The following RLF variants were observed in gnomAD, a reference collection of about 807,000 sequenced individuals.
RLF encodes the protein RLF zinc finger.
Under a neutral mutation model 162.9 loss-of-function variants are expected in RLF, and 7 were observed. The observed-to-expected ratio is 0.04, with a 90% CI of 0.02 to 0.08. The LOEUF is 0.08. RLF is among the 10% of genes least tolerant of loss of function. RLF has a pLI of 1.00. For missense variants in RLF, 1,664 were observed against 2,244.7 expected (o/e 0.74, Z 5.23); for synonymous variants, 782 against 791.5 (o/e 0.99, Z 0.20).
chr1:40,164,776 T>G (rs1424251206), intron 1 of RLF, among the ~76,000 whole-genome samples: 1 of 152,200 alleles, frequency 6.6e-6, no homozygotes, highest in African/African-American at 2.4e-5. Flanking sequence ...ATTGAGTGAT[T>G]ATGTGATTAC....
intron 4 of RLF, among the ~76,000 whole-genome samples, chr1:40,196,090 T>C (rs1001783147): frequency 1.3e-5 from 2 of 151,986 alleles, no homozygotes; most frequent in Non-Finnish European, 2.9e-5. Context: ...TTTTTTTTTT[T>C]CCCGAGACGT....
chr1:40,205,227 A>AAGAATTGCTTGAGCCCG (rs1553174480), intron 5 of RLF, among the ~76,000 whole-genome samples: 1 of 152,120 alleles, frequency 6.6e-6, no homozygotes, highest in Non-Finnish European at 1.5e-5. Flanking sequence ...GCCGAGGCAC[A>AAGAATTGCTTGAGCCCG]AGAATTGCTT....
Position 40,178,633 on chromosome 1 carries a change from T to G in RLF, c.238-10422T>G, listed in dbSNP as rs1466102067. ...CTGTCTTTGGTGTTTTTTTTTTTTGTTTTTTTTTTTTTTTTGGAGAGATGG... is the reference window on the plus strand; with the variant it reads ...CTGTCTTTGGTGTTTTTTTTTTTTGGTTTTTTTTTTTTTTTGGAGAGATGG... On this transcript the variant is annotated intron_variant, in intron 1 of 7. Coordinates refer to ENST00000372771, the MANE Select transcript of RLF (RefSeq NM_012421.4). Among the ~76,000 whole-genome samples the G allele has an allele frequency of 4.1e-5, 4 of 98,038 alleles. No homozygotes were observed. The East Asian group carries it at 6.7e-4, about 17-fold the overall frequency. The allele number at this position is 98,038 out of a possible 152,430, so 64.3% of individuals were successfully genotyped here.
At position 40,238,730 on chromosome 1, in the gene RLF, G is replaced by GT. The variant is rs1363082629; in HGVS notation, c.4031dup (p.Leu1344PhefsTer16). The GT allele has an allele frequency of 6.2e-7, 1 of 1,613,832 alleles. No individual in the cohort carries two copies. The highest frequency in any genetic ancestry group is 1.3e-5 in the African/African-American group (1 of 75,036). ...CATCAGTACAACAAAGAACAGTTAT[G>GT]TTTGGAGAAAGACAAAGCAAGAACC... is the stretch of plus-strand genomic sequence containing the variant. On this transcript the variant is annotated frameshift_variant, in exon 8 of 8. Coordinates refer to ENST00000372771, the MANE Select transcript of RLF (RefSeq NM_012421.4). LOFTEE classifies it high-confidence loss of function. This position sits in a 1 kb window ranked among gnomAD's most constrained non-coding sequence, Gnocchi z 5.2.
rs1022162541 is a variant in RLF, at chr1:40,184,041, G to A, written c.238-5014G>A. ...CAAGGAATAGTCAGAATGCTGCCAA[G>A]CTCCTTGAAACCATGTAGTGAGAAA... On this transcript the variant is annotated intron_variant, in intron 1 of 7. Transcript: ENST00000372771. Among the ~76,000 whole-genome samples, 9 of 152,284 alleles carry A rather than the reference G, an allele frequency of 5.9e-5. 1 individual carries two copies. The East Asian group carries it at 1.7e-3, about 29-fold the overall frequency.
chr1:40,228,696 G>A (rs1643112886), intron 6 of RLF, among the ~76,000 whole-genome samples: 1 of 150,886 alleles, frequency 6.6e-6, no homozygotes, highest in South Asian at 2.1e-4. Context: ...ATCGAAGCTC[G>A]CTGCAGCCTT....
chr1:40,181,690 C>T (rs1011925058), intron 1 of RLF, among the ~76,000 whole-genome samples: 3 of 152,170 alleles, frequency 2.0e-5, no homozygotes, highest in African/African-American at 7.2e-5. Context: ...AGTATTTCTT[C>T]TATTAAGCTG....
intron 1 of RLF, among the ~76,000 whole-genome samples, chr1:40,188,407 G>A (rs1057125835): frequency 2.0e-5 from 3 of 152,194 alleles, no homozygotes; most frequent in Admixed American, 1.3e-4. Flanking sequence ...GGTACCCTGT[G>A]TGGTAAGAGG....
chr1:40,166,403 G>T (rs556574455), intron 1 of RLF, among the ~76,000 whole-genome samples: 1 of 151,992 alleles, frequency 6.6e-6, no homozygotes, highest in Non-Finnish European at 1.5e-5. Flanking sequence ...TGGTGGGACC[G>T]TAAACTAGTT....
Position 40,238,918 on chromosome 1 carries a change from A to G in RLF, c.4216A>G (p.Arg1406Gly), listed in dbSNP as rs761049700. 9 of 1,614,112 alleles carry G rather than the reference A, an allele frequency of 5.6e-6. No individual in the cohort carries two copies. The highest frequency in any genetic ancestry group is 6.8e-6 in the Non-Finnish European group (8 of 1,180,032). ...KVLSEAGSAA[R>G]FSCNQPQCPA... is the part of the protein sequence containing the mutation. ...ACTTTCCGAAGCTGGATCTGCAGCA[A>G]GGTTTTCTTGTAACCAGCCTCAGTG... Residue 1406 changes from arginine to glycine, a missense_variant, in exon 8 of 8, where the codon AGG becomes GGG. Transcript: ENST00000372771. This position sits in a 1 kb window ranked among gnomAD's most constrained non-coding sequence, Gnocchi z 5.2.
chr1:40,231,471 A>C (rs1296478518), intron 6 of RLF, 46 bp from the exon 7 acceptor site: 6 of 1,582,206 alleles, frequency 3.8e-6, no homozygotes, highest in Non-Finnish European at 5.2e-6. Context: ...AGGGCAGCAA[A>C]TACCAGTTAC....
intron 7 of RLF, among the ~76,000 whole-genome samples, chr1:40,234,476 C>T (rs997304064): frequency 6.6e-6 from 1 of 152,152 alleles, no homozygotes; most frequent in South Asian, 2.1e-4. Flanking sequence ...GAATTAAATG[C>T]CTGGCAAATT....
At chr1:40,234,009 C>T (rs1643186493) in intron 7 of RLF, among the ~76,000 whole-genome samples, 1 of 152,180 alleles carries the variant, frequency 6.6e-6, no homozygotes, top group East Asian at 1.9e-4. Context: ...CATGCAGTGG[C>T]GTGATCTCAG....
At chr1:40,190,222 CT>C in intron 2 of RLF, among the ~76,000 whole-genome samples, 1 of 151,868 alleles carries the variant, frequency 6.6e-6, no homozygotes, top group Non-Finnish European at 1.5e-5. Flanking sequence ...TAGTGCATTT[CT>C]TTTTTCAAAA....
Position 40,239,221 on chromosome 1 carries a change from A to G in RLF, c.4519A>G (p.Thr1507Ala), listed in dbSNP as rs1318669593. The change falls in exon 8 of 8, where the codon ACC becomes GCC. Residue 1507 changes from threonine (T) to alanine (A), a missense_variant. This residue lies in a region of RLF where 200 missense variants were observed against 207.3 expected (regional missense o/e 0.96). Transcript: ENST00000372771. ...ADTQGHEHQT[T>A]RRSFNAKSKK... ...TACTCAGGGGCATGAACATCAGACC[A>G]CCAGGAGATCATTTAATGCTAAGTC... 1.2e-6 allele frequency: 2 copies of G among 1,614,206 alleles called. No individual in the cohort carries two copies.
chr1:40,178,375 T>C (rs934933874), intron 1 of RLF, among the ~76,000 whole-genome samples: 2 of 151,976 alleles, frequency 1.3e-5, no homozygotes, highest in Non-Finnish European at 2.9e-5. Context: ...GGAAATAGAA[T>C]AGTGGTTGCC....
chr1:40,183,965 T>C (rs1642439442), intron 1 of RLF, among the ~76,000 whole-genome samples: 1 of 152,236 alleles, frequency 6.6e-6, no homozygotes, highest in African/African-American at 2.4e-5. Context: ...ATGTATTCTT[T>C]AAACATTAAA....
Position 40,238,135 on chromosome 1 carries a change from T to C in RLF, c.3433T>C (p.Leu1145=). The C allele has an allele frequency of 6.2e-7, 1 of 1,613,968 alleles. No homozygotes were observed. The highest frequency in any genetic ancestry group is 8.5e-7 in the Non-Finnish European group (1 of 1,179,970). The stretch of plus-strand genomic sequence containing the variant: ...TGAATTTGTGACCAGAGAGGCTCTG[T>C]TAATGCATTATCTTAAAAAGCATAA... The part of the protein sequence containing the change: ...KYEFVTREAL[L]MHYLKKHNYS... Residue 1145 remains leucine, a synonymous_variant, in exon 8 of 8, where the codon TTA becomes CTA. Transcript: ENST00000372771. This position sits in a 1 kb window ranked among gnomAD's most constrained non-coding sequence, Gnocchi z 5.2.
intron 1 of RLF, among the ~76,000 whole-genome samples, chr1:40,162,641 G>A (rs528231584): frequency 2.6e-5 from 4 of 152,260 alleles, no homozygotes; most frequent in South Asian, 4.1e-4. Flanking sequence ...GGGGCAATTT[G>A]CTCTGTTGGT....
Sources: allele counts gnomAD v4.1 joint callset (sites outside exome capture counted in the v4.1 genomes callset), GRCh38; gene constraint gnomAD v4.1.1; regional missense constraint gnomAD v4.1.1; non-coding constraint Gnocchi (gnomAD v3.1); transcripts MANE v1.5; gene names NCBI Gene and HGNC (gene_info 2026-07-23, HGNC 2026-07-21).